Variants in UBASH3B observed in about 807,000 individuals in gnomAD.
The protein encoded by UBASH3B is ubiquitin-associated and SH3 domain-containing protein B.
A neutral mutation model predicts 83.4 loss-of-function variants in UBASH3B; 37 were observed. The observed-to-expected ratio is 0.44, with a 90% CI of 0.34 to 0.58. UBASH3B has a LOEUF of 0.58. Ranked by LOEUF, UBASH3B falls within the 20% of genes least tolerant of loss-of-function variation. The pLI is 0.01. For synonymous variants in UBASH3B, 304 were observed against 318.3 expected, an observed-to-expected ratio of 0.96 and a Z score of 0.48; for missense variants, 657 against 827.2, an observed-to-expected ratio of 0.79 and a Z score of 2.52.
chr11:122,812,517 A>T lies in UBASH3B; in HGVS notation c.*2631A>T, dbSNP rs575850766. 67 of 152,334 alleles carry T rather than the reference A, an allele frequency of 4.4e-4. No homozygotes were observed. Among genetic ancestry groups the T allele is most frequent in the African/African-American group, 1.5e-3 (63 of 41,574 alleles). 9.4% of individuals were successfully genotyped at this position (152,334 alleles called of 1,614,324 possible). On this transcript the variant is annotated 3_prime_UTR_variant, in exon 14 of 14. Coordinates refer to ENST00000284273, the MANE Select transcript of UBASH3B (RefSeq NM_032873.5). ...TGATGCTTATTAAAACAAATGATGTATGGGGAGAGGAGAAGGAAGGGCAAG... is the reference window on the plus strand; with the variant it reads ...TGATGCTTATTAAAACAAATGATGTTTGGGGAGAGGAGAAGGAAGGGCAAG...
At chr11:122,802,082 C>T (rs920883091) in intron 11 of UBASH3B, among the ~76,000 whole-genome samples, 5 of 151,962 alleles carry the variant, frequency 3.3e-5, no homozygotes, top group Admixed American at 6.6e-5. Flanking sequence ...TCTGGGAGGC[C>T]GAGGCAGGTG....
At chr11:122,703,465 C>T (rs890641552) in intron 1 of UBASH3B, among the ~76,000 whole-genome samples, 5 of 151,942 alleles carry the variant, frequency 3.3e-5, no homozygotes, top group Admixed American at 3.3e-4. Flanking sequence ...TTCTCCCCTC[C>T]ACCACCGCTT....
At chr11:122,772,388 G>A (rs1348590168) in intron 1 of UBASH3B, among the ~76,000 whole-genome samples, 1 of 152,030 alleles carries the variant, frequency 6.6e-6, no homozygotes, top group Admixed American at 6.6e-5. Flanking sequence ...TTTGTTTTTG[G>A]TTTTCATTTG....
chr11:122,738,972 T>C (rs1024340098), intron 1 of UBASH3B, among the ~76,000 whole-genome samples: 1 of 152,144 alleles, frequency 6.6e-6, no homozygotes, highest in Non-Finnish European at 1.5e-5. Context: ...TGGACAGTTG[T>C]ACAGGAGTGG....
chr11:122,806,579 A>AGG lies in UBASH3B; in HGVS notation c.1702+64_1702+65dup. 6.9e-7 allele frequency: 1 copy of AGG among 1,444,604 alleles called. No individual in the cohort carries two copies. The highest frequency in any genetic ancestry group is 9.1e-7 in the Non-Finnish European group (1 of 1,100,380). 89.5% of individuals were successfully genotyped at this position (1,444,604 alleles called of 1,614,324 possible). ...TGATTATTTCTCTATAATGGTTAAT[A>AGG]GGTTATTCAAGATGTTTCAACTTGC... On this transcript the variant is annotated intron_variant, in intron 12 of 13. Coordinates refer to ENST00000284273, the MANE Select transcript of UBASH3B (RefSeq NM_032873.5). The surrounding 1 kb of genome is among the most constrained non-coding windows in gnomAD (Gnocchi z 4.0).
At chr11:122,789,519 G>A (rs1232082536) in intron 6 of UBASH3B, among the ~76,000 whole-genome samples, 2 of 152,142 alleles carry the variant, frequency 1.3e-5, no homozygotes, top group African/African-American at 4.8e-5. Context: ...ATGGTTGTCT[G>A]CTTCAGTTCC....
intron 1 of UBASH3B, among the ~76,000 whole-genome samples, chr11:122,661,333 G>A (rs1020977083): frequency 2.0e-5 from 3 of 152,208 alleles, no homozygotes; most frequent in Non-Finnish European, 4.4e-5. Flanking sequence ...GCTGCATGAG[G>A]AGTTGAGAAG....
chr11:122,751,962 C>A (rs2135968438), intron 1 of UBASH3B, among the ~76,000 whole-genome samples: 1 of 152,208 alleles, frequency 6.6e-6, no homozygotes, highest in East Asian at 1.9e-4. Context: ...ACTCTATGTC[C>A]TTTTGGCTGG....
In UBASH3B at chr11:122,796,396, T is replaced by C. The variant is rs1039461198; in HGVS notation, c.1234+120T>C. On this transcript the variant is annotated intron_variant, in intron 8 of 13. Coordinates refer to ENST00000284273, the MANE Select transcript of UBASH3B (RefSeq NM_032873.5). ...AGTTTTGCGTACTATAGAAGATGTCTGTCATGTGTAAGCCCCTCCTGATTG... is the reference window on the plus strand; with the variant it reads ...AGTTTTGCGTACTATAGAAGATGTCCGTCATGTGTAAGCCCCTCCTGATTG... 21 of 1,451,498 alleles carry C rather than the reference T, an allele frequency of 1.4e-5. No homozygotes were observed. The African/African-American group carries it at 2.8e-4, about 20-fold the overall frequency. The allele number at this position is 1,451,498 out of a possible 1,614,324, so 89.9% of individuals were successfully genotyped here.
intron 1 of UBASH3B, among the ~76,000 whole-genome samples, chr11:122,661,865 A>C (rs1863444497): frequency 6.6e-6 from 1 of 151,064 alleles, no homozygotes; most frequent in East Asian, 1.9e-4. Context: ...GTTCCAAAAA[A>C]AAAAAAAACA....
At chr11:122,703,729 A>G (rs1174313174) in intron 1 of UBASH3B, among the ~76,000 whole-genome samples, 1 of 152,208 alleles carries the variant, frequency 6.6e-6, no homozygotes, top group Non-Finnish European at 1.5e-5. Flanking sequence ...TTTTTTGAAG[A>G]CAAGCATCTC....
intron 1 of UBASH3B, among the ~76,000 whole-genome samples, chr11:122,683,092 AAT>A (rs1490263723): frequency 3.9e-5 from 6 of 151,978 alleles, no homozygotes; most frequent in African/African-American, 1.5e-4. Context: ...CTCTACAAAA[AAT>A]AAGTTACCCA....
At chr11:122,729,384 T>C (rs1860800219) in intron 1 of UBASH3B, among the ~76,000 whole-genome samples, 1 of 152,126 alleles carries the variant, frequency 6.6e-6, no homozygotes, top group Non-Finnish European at 1.5e-5. Context: ...GGGCTTTCCA[T>C]CCTGCTGAAG....
intron 1 of UBASH3B, among the ~76,000 whole-genome samples, chr11:122,703,342 G>T (rs1440783159): frequency 4.6e-5 from 7 of 151,654 alleles, no homozygotes; most frequent in Non-Finnish European, 4.4e-5. Context: ...CAGGAGAATC[G>T]CTTGAACCCA....
At chr11:122,658,953 T>C (rs1378120913) in intron 1 of UBASH3B, among the ~76,000 whole-genome samples, 1 of 152,214 alleles carries the variant, frequency 6.6e-6, no homozygotes, top group Non-Finnish European at 1.5e-5. Flanking sequence ...CCGTGCTCCC[T>C]CTGGAGGCTC....
chr11:122,800,232 T>C (rs1296819826), intron 10 of UBASH3B, among the ~76,000 whole-genome samples: 1 of 152,046 alleles, frequency 6.6e-6, no homozygotes, highest in Admixed American at 6.6e-5. Context: ...CATCATGGAA[T>C]TTGCTTTAGA....
chr11:122,726,606 C>T (rs1184413294), intron 1 of UBASH3B, among the ~76,000 whole-genome samples: 1 of 152,174 alleles, frequency 6.6e-6, no homozygotes, highest in Non-Finnish European at 1.5e-5. Flanking sequence ...ACCTCATCCT[C>T]CCAAAGTTGC....
At chr11:122,800,054 G>A (rs1208540151) in intron 10 of UBASH3B, among the ~76,000 whole-genome samples, 1 of 152,162 alleles carries the variant, frequency 6.6e-6, no homozygotes, top group Non-Finnish European at 1.5e-5. Context: ...TAACTAAGCA[G>A]GGACTATTTC....
At chr11:122,761,326 C>A (rs1033942812) in intron 1 of UBASH3B, among the ~76,000 whole-genome samples, 2 of 152,168 alleles carry the variant, frequency 1.3e-5, no homozygotes, top group East Asian at 3.8e-4. Flanking sequence ...AAAAAAATAG[C>A]CTGCCATGGT....
Sources: gnomAD v4.1 joint callset for allele counts (sites outside exome capture counted in the v4.1 genomes callset) on GRCh38, gnomAD v4.1.1 for gene constraint, Gnocchi (gnomAD v3.1) non-coding constraint, MANE v1.5 for transcripts, NCBI Gene and HGNC (gene_info 2026-07-23, HGNC 2026-07-21) for gene names.